ULK4: variants seen among roughly 807,000 people sequenced by gnomAD.
The protein encoded by ULK4 is inactive serine/threonine-protein kinase ULK4.
A neutral mutation model predicts 160.6 loss-of-function variants in ULK4; 133 were observed. That is an observed-to-expected ratio of 0.83 (90% confidence interval 0.72 to 0.96). ULK4 has a LOEUF of 0.96. Among genes scored for constraint, ULK4 ranks in the 40% least tolerant of loss-of-function variants. The pLI is 0.00. For synonymous variants in ULK4, 534 were observed against 539.8 expected (o/e 0.99, Z 0.15); for missense variants, 1,580 against 1,499.5 (o/e 1.05, Z -0.89).
intron 25 of ULK4, among the ~76,000 whole-genome samples, chr3:41,713,065 C>T (rs202176410): frequency 6.6e-6 from 1 of 151,630 alleles, no homozygotes; most frequent in Non-Finnish European, 1.5e-5. Context: ...CTATGCATCC[C>T]CACCACTACC....
intron 32 of ULK4, among the ~76,000 whole-genome samples, chr3:41,492,620 G>C (rs888398115): frequency 1.3e-5 from 2 of 151,354 alleles, no homozygotes; most frequent in East Asian, 1.9e-4. Flanking sequence ...CCAATTAAAA[G>C]ACACAGACTG....
At chr3:41,557,603 C>CAA (rs202007149) in intron 32 of ULK4, among the ~76,000 whole-genome samples, 2,357 of 143,142 alleles carry the variant, frequency 0.016, 68 homozygotes, top group African/African-American at 0.057. Context: ...CTGTCTCCAC[C>CAA]AAAAAAAAAA....
chr3:41,938,601 G>A (rs551783671), intron 2 of ULK4, among the ~76,000 whole-genome samples: 310 of 152,292 alleles, frequency 2.0e-3, no homozygotes, highest in African/African-American at 7.1e-3. Context: ...AGAATTGCTT[G>A]AACTCAGGAG....
chr3:41,408,599 T>C (rs1409480063), intron 34 of ULK4, among the ~76,000 whole-genome samples: 2 of 152,090 alleles, frequency 1.3e-5, no homozygotes, highest in Admixed American at 6.6e-5. Flanking sequence ...TTGGCAGAAA[T>C]TGGTAAGTTG....
At chr3:41,590,471 A>AT (rs1315427474) in intron 31 of ULK4, among the ~76,000 whole-genome samples, 2 of 146,474 alleles carry the variant, frequency 1.4e-5, no homozygotes, top group Non-Finnish European at 3.0e-5. Flanking sequence ...CAAAAAAAAA[A>AT]AAAAAAAAAA....
intron 30 of ULK4, among the ~76,000 whole-genome samples, chr3:41,639,912 G>A (rs1305388613): frequency 3.3e-5 from 5 of 152,008 alleles, no homozygotes; most frequent in South Asian, 2.1e-4. Context: ...AATGATACCC[G>A]TGATGACTGG....
intron 32 of ULK4, among the ~76,000 whole-genome samples, chr3:41,527,873 G>T (rs1363293272): frequency 6.6e-6 from 1 of 152,112 alleles, no homozygotes; most frequent in East Asian, 1.9e-4. Flanking sequence ...TTGTGATATA[G>T]TTAGAACAGA....
intron 35 of ULK4, among the ~76,000 whole-genome samples, chr3:41,285,609 G>A (rs968084302): frequency 2.0e-5 from 3 of 152,130 alleles, no homozygotes; most frequent in Non-Finnish European, 2.9e-5. Flanking sequence ...AGAGGGAGGC[G>A]AGTGATAAAA....
At chr3:41,721,360 A>ATTTT (rs1284559320) in intron 22 of ULK4, among the ~76,000 whole-genome samples, 18 of 51,478 alleles carry the variant, frequency 3.5e-4, no homozygotes, top group African/African-American at 2.1e-3. Flanking sequence ...ATATATATAT[A>ATTTT]TATTTTTTTT....
At chr3:41,508,457 C>A (rs186853754) in intron 32 of ULK4, among the ~76,000 whole-genome samples, 142 of 152,270 alleles carry the variant, frequency 9.3e-4, no homozygotes, top group Non-Finnish European at 1.6e-3. Context: ...GGCAAATTTG[C>A]ATCCTCCCTA....
Position 41,904,205 on chromosome 3 carries a change from A to G in ULK4, c.1183-3376T>C, listed in dbSNP as rs138467965. On this transcript the variant is annotated intron_variant, in intron 12 of 36. Coordinates refer to ENST00000301831, the MANE Select transcript of ULK4 (RefSeq NM_017886.4). ...CCCAGCTCTTTGGGAGGCCAAGGCC[A>G]GCAGATCACTTGAGTCCAGGAGTCT... 5.7e-3 allele frequency among the ~76,000 whole-genome samples: 869 copies of G among 152,202 alleles called. 5 individuals carry two copies. Among genetic ancestry groups the G allele is most frequent in the African/African-American group, 0.019 (801 of 41,536 alleles).
chr3:41,423,228 G>A (rs2082700573), intron 34 of ULK4, among the ~76,000 whole-genome samples: 1 of 152,172 alleles, frequency 6.6e-6, no homozygotes, highest in Non-Finnish European at 1.5e-5. Flanking sequence ...TACACTGGGG[G>A]TGGAGTCACG....
chr3:41,553,793 C>T (rs55811332), intron 32 of ULK4, among the ~76,000 whole-genome samples: 63,365 of 151,718 alleles, frequency 0.42, 14,664 homozygotes, highest in Non-Finnish European at 0.51. Flanking sequence ...ATGGGGCATC[C>T]ATCCCATCAA....
At chr3:41,660,828 T>C (rs1378486209) in intron 30 of ULK4, among the ~76,000 whole-genome samples, 2 of 152,110 alleles carry the variant, frequency 1.3e-5, no homozygotes, top group Non-Finnish European at 2.9e-5. Flanking sequence ...AGCTCACAAA[T>C]AAGACAAAGG....
chr3:41,459,279 G>A (rs1201185448), intron 33 of ULK4, among the ~76,000 whole-genome samples: 1 of 152,078 alleles, frequency 6.6e-6, no homozygotes. Context: ...TGGCCAGGCT[G>A]GTCTTGAACT....
chr3:41,420,475 C>CTTTTTTTTTTTTTTTTTTTTT lies in ULK4; in HGVS notation c.3493-22232_3493-22212dup, dbSNP rs1165381982. ...GGATTTTTCAGTTTTCCAGTTCTTT[C>CTTTTTTTTTTTTTTTTTTTTT]TTTTTTTTTTTTTTTTTTTTTTTTT... On this transcript the variant is annotated intron_variant, in intron 34 of 36. Transcript: ENST00000301831. Among the ~76,000 whole-genome samples, 282 of 41,178 alleles carry CTTTTTTTTTTTTTTTTTTTTT rather than the reference C, an allele frequency of 6.8e-3. 37 individuals carry two copies. The highest frequency in any genetic ancestry group is 8.6e-3 in the Non-Finnish European group (209 of 24,328). The allele number at this position is 41,178 out of a possible 152,430, so 27.0% of individuals were successfully genotyped here.
chr3:41,748,620 G>A (rs2038502533), intron 22 of ULK4, among the ~76,000 whole-genome samples: 1 of 151,960 alleles, frequency 6.6e-6, no homozygotes. Flanking sequence ...CATAAAGCAG[G>A]TACATTCAGA....
intron 34 of ULK4, among the ~76,000 whole-genome samples, chr3:41,439,768 G>C (rs539763898): frequency 2.1e-4 from 32 of 152,242 alleles, no homozygotes; most frequent in African/African-American, 7.5e-4. Context: ...AAAAATGTCT[G>C]CTGGGATTTT....
intron 31 of ULK4, among the ~76,000 whole-genome samples, chr3:41,605,418 A>G (rs2032329825): frequency 6.6e-6 from 1 of 151,902 alleles, no homozygotes; most frequent in Non-Finnish European, 1.5e-5. Context: ...GGAAAAGAAT[A>G]TGTCTCACAC....
Sources: gnomAD v4.1 joint callset for allele counts (sites outside exome capture counted in the v4.1 genomes callset) on GRCh38, gnomAD v4.1.1 for gene constraint, MANE v1.5 for transcripts, NCBI Gene and HGNC (gene_info 2026-07-23, HGNC 2026-07-21) for gene names.